The following KIF26B variants were observed in gnomAD, a reference collection of about 807,000 sequenced individuals.
KIF26B encodes kinesin family member 26B.
KIF26B carries 63 observed loss-of-function variants against 151.2 expected under a neutral mutation model. That is an observed-to-expected ratio of 0.42 (90% confidence interval 0.34 to 0.51). KIF26B has a LOEUF of 0.51. KIF26B is among the 20% of genes least tolerant of loss of function. The pLI is 0.07. For missense variants in KIF26B, 2,813 were observed against 2,913.6 expected (o/e 0.97, Z 0.79); for synonymous variants, 1,357 against 1,262.1 (o/e 1.08, Z -1.59).
intron 3 of KIF26B, among the ~76,000 whole-genome samples, chr1:245,393,586 A>G (rs1673752568): frequency 6.6e-6 from 1 of 152,078 alleles, no homozygotes; most frequent in South Asian, 2.1e-4. Context: ...CATGGAAGGG[A>G]TTGGTGAGTG....
intron 2 of KIF26B, among the ~76,000 whole-genome samples, chr1:245,258,844 G>A (rs781624025): frequency 2.0e-5 from 3 of 152,292 alleles, no homozygotes; most frequent in African/African-American, 4.8e-5. Context: ...CTGACTCACC[G>A]TGTGTCTGCC....
chr1:245,343,621 C>T (rs765543630), intron 2 of KIF26B, among the ~76,000 whole-genome samples: 2 of 152,154 alleles, frequency 1.3e-5, no homozygotes, highest in Admixed American at 6.5e-5. Flanking sequence ...TTTTTCTTCT[C>T]ATAATTGATA....
At chr1:245,550,346 C>T (rs12047419) in intron 5 of KIF26B, among the ~76,000 whole-genome samples, 49,516 of 152,076 alleles carry the variant, frequency 0.33, 8,586 homozygotes, top group Non-Finnish European at 0.38. Flanking sequence ...CTAGCTTCTT[C>T]AGTTTCCGCT....
intron 2 of KIF26B, 106 bp from the exon 3 acceptor site, chr1:245,366,728 A>G: frequency 9.2e-7 from 1 of 1,083,030 alleles, no homozygotes; most frequent in Non-Finnish European, 1.3e-6. Context: ...AAACTATCCA[A>G]CTCTTTGAGT....
intron 2 of KIF26B, among the ~76,000 whole-genome samples, chr1:245,337,300 T>G (rs1406109553): frequency 1.3e-5 from 2 of 151,808 alleles, no homozygotes; most frequent in Non-Finnish European, 2.9e-5. Context: ...GCCTCCCAAG[T>G]AGCTGGGATT....
intron 5 of KIF26B, among the ~76,000 whole-genome samples, chr1:245,552,602 T>C (rs1238820263): frequency 6.7e-6 from 1 of 149,402 alleles, no homozygotes; most frequent in Non-Finnish European, 1.5e-5. Flanking sequence ...CTTGCACCTA[T>C]GTCATCTTCC....
chr1:245,670,112 A>T (rs956053755), intron 10 of KIF26B, among the ~76,000 whole-genome samples: 32 of 152,092 alleles, frequency 2.1e-4, no homozygotes, highest in Non-Finnish European at 3.2e-4. Context: ...AACCACTTGG[A>T]CCCCTAAAGC....
chr1:245,481,570 C>G (rs903061515), intron 4 of KIF26B, among the ~76,000 whole-genome samples: 3 of 151,844 alleles, frequency 2.0e-5, no homozygotes, highest in South Asian at 2.1e-4. Flanking sequence ...TATTCCTGTT[C>G]CCACATCTTT....
At chr1:245,323,781 A>G (rs557563696) in intron 2 of KIF26B, among the ~76,000 whole-genome samples, 2 of 152,324 alleles carry the variant, frequency 1.3e-5, no homozygotes, top group Admixed American at 1.3e-4. Flanking sequence ...CCAAGCTCCT[A>G]CTGTGTGTCC....
intron 5 of KIF26B, among the ~76,000 whole-genome samples, chr1:245,582,224 C>T (rs771375143): frequency 5.9e-5 from 9 of 152,136 alleles, no homozygotes; most frequent in South Asian, 2.1e-4. Flanking sequence ...GAATTTACCA[C>T]GTGCCCGTCA....
intron 2 of KIF26B, among the ~76,000 whole-genome samples, chr1:245,290,390 A>G (rs35781076): frequency 0.11 from 17,251 of 152,284 alleles, 1,099 homozygotes; most frequent in African/African-American, 0.16. Context: ...AAGAAACAAA[A>G]GTATGGCTAC....
chr1:245,594,110 C>T (rs943594462), intron 5 of KIF26B, among the ~76,000 whole-genome samples: 1 of 152,144 alleles, frequency 6.6e-6, no homozygotes, highest in Non-Finnish European at 1.5e-5. Context: ...TTCTTCCATT[C>T]TGTAGGTTGC....
At position 245,296,177 on chromosome 1, in the gene KIF26B, T is replaced by TA. The variant is rs66530206; in HGVS notation, c.466-70657_466-70656insA. 4.1e-4 allele frequency among the ~76,000 whole-genome samples: 62 copies of TA among 149,808 alleles called. No homozygotes were observed. In the East Asian group the frequency reaches 0.011, roughly 27 times the overall value. On this transcript the variant is annotated intron_variant, in intron 2 of 14. Transcript: ENST00000407071. The stretch of plus-strand genomic sequence containing the variant: ...TTCAGCAACCTTTCACGTTTTGTCT[T>TA]TTTTTTTTTCTTATGGGCTAGGATA...
chr1:245,650,559 T>C (rs1400541184), intron 10 of KIF26B, among the ~76,000 whole-genome samples: 1 of 152,372 alleles, frequency 6.6e-6, no homozygotes, highest in East Asian at 1.9e-4. Context: ...CTCTTAGATG[T>C]TGCTTTGTAG....
At chr1:245,627,690 G>T (rs147473480) in intron 9 of KIF26B, among the ~76,000 whole-genome samples, 3,978 of 151,694 alleles carry the variant, frequency 0.026, 193 homozygotes, top group African/African-American at 0.091. Flanking sequence ...ATGAATCCAG[G>T]AGCCAGTTTT....
At chr1:245,570,036 C>T (rs554894199) in intron 5 of KIF26B, among the ~76,000 whole-genome samples, 9 of 144,624 alleles carry the variant, frequency 6.2e-5, no homozygotes, top group African/African-American at 1.8e-4. Context: ...CCTGGGTTCA[C>T]GCCATTCTCC....
chr1:245,307,845 A>G (rs1345624524), intron 2 of KIF26B, among the ~76,000 whole-genome samples: 2 of 151,692 alleles, frequency 1.3e-5, no homozygotes, highest in Non-Finnish European at 2.9e-5. Context: ...GGTTCACGCA[A>G]TTCTCCTGCC....
At chr1:245,330,911 G>A (rs933289169) in intron 2 of KIF26B, among the ~76,000 whole-genome samples, 9 of 151,746 alleles carry the variant, frequency 5.9e-5, no homozygotes, top group Non-Finnish European at 1.0e-4. Context: ...TTAAAAGGCA[G>A]GCTCACCAAT....
intron 2 of KIF26B, among the ~76,000 whole-genome samples, chr1:245,300,063 GA>G (rs1270960768): frequency 6.6e-6 from 1 of 152,200 alleles, no homozygotes; most frequent in Non-Finnish European, 1.5e-5. Flanking sequence ...TCGTTTTGGT[GA>G]AAACACAGTG....
Sources: allele counts gnomAD v4.1 joint callset (sites outside exome capture counted in the v4.1 genomes callset), GRCh38; gene constraint gnomAD v4.1.1; transcripts MANE v1.5; gene names NCBI Gene and HGNC (gene_info 2026-07-23, HGNC 2026-07-21).